The following STK33 variants were observed in gnomAD, a reference collection of about 807,000 sequenced individuals.
STK33 encodes serine/threonine-protein kinase 33.
Under a neutral mutation model 58.0 loss-of-function variants are expected in STK33, and 52 were observed. The observed-to-expected ratio is 0.90, with a 90% confidence interval of 0.72 to 1.13. The LOEUF is 1.13. STK33 is among the 50% of genes most tolerant of loss of function. The pLI, the probability that STK33 is intolerant of heterozygous loss-of-function variation, is 0.00. For synonymous variants in STK33, 215 were observed against 200.1 expected (o/e 1.07, Z -0.63); for missense variants, 630 against 604.2 (o/e 1.04, Z -0.45).
At chr11:8,511,386 G>GT (rs1182183802) in intron 1 of STK33, among the ~76,000 whole-genome samples, 12 of 151,832 alleles carry the variant, frequency 7.9e-5, no homozygotes, top group Non-Finnish European at 1.8e-4. Context: ...AAGGTTTTTG[G>GT]TAGGGCTTTC....
chr11:8,364,931 C>CT, the STK33 span, among the ~76,000 whole-genome samples: 1 of 149,566 alleles, frequency 6.7e-6, no homozygotes, highest in Admixed American at 6.6e-5. Context: ...TTCATGTGAC[C>CT]CCCCCCGCCC....
intron 1 of STK33, among the ~76,000 whole-genome samples, chr11:8,507,260 A>G (rs1007705157): frequency 6.6e-6 from 1 of 152,116 alleles, no homozygotes; most frequent in Non-Finnish European, 1.5e-5. Flanking sequence ...TGTTCTTTCT[A>G]CGATACCCAA....
chr11:8,436,403 C>T (rs1944074241), intron 12 of STK33, among the ~76,000 whole-genome samples: 1 of 152,036 alleles, frequency 6.6e-6, no homozygotes, highest in Non-Finnish European at 1.5e-5. Flanking sequence ...AGCAAATGAC[C>T]CAAAGCTCTT....
rs144646251 is a variant in STK33 at position 8,435,097 on chromosome 11, G to A, written c.1146+397C>T. ...AGACTGCCACTGTTTGGAGATCATG[G>A]CTTTTCTGAGTCCCCAAAGATTTTC... On this transcript the variant is annotated intron_variant, in intron 14 of 15. Transcript: ENST00000687296. Among the ~76,000 whole-genome samples, 24 of 152,238 alleles carry A rather than the reference G, an allele frequency of 1.6e-4. No individual in the cohort carries two copies. The East Asian group carries it at 4.4e-3, about 28-fold the overall frequency.
intron 6 of STK33, chr11:8,467,193 G>A (rs1319745778): frequency 1.3e-5 from 2 of 152,202 alleles, no homozygotes; most frequent in Non-Finnish European, 2.9e-5. Context: ...AATTTCTGCA[G>A]CCAGCTTGAA....
intron 1 of STK33, among the ~76,000 whole-genome samples, chr11:8,591,043 C>A (rs1277593603): frequency 2.0e-5 from 3 of 152,314 alleles, no homozygotes; most frequent in African/African-American, 4.8e-5. Context: ...GAGAACACAT[C>A]TTCTCTTTCA....
Position 8,589,242 on chromosome 11 carries a change from C to CA in STK33, c.-466+4840dup, listed in dbSNP as rs1240948760. On this transcript the variant is annotated intron_variant, in intron 1 of 15. Coordinates refer to ENST00000687296, the MANE Select transcript of STK33 (RefSeq NM_001352389.2). ...TTCATAGCAGCATTATTCAAAATAC[C>CA]AAAAAAAAAGAAAATAACCCAAATG... is the stretch of plus-strand genomic sequence containing the variant. Among the ~76,000 whole-genome samples the CA allele has an allele frequency of 9.4e-5, 14 of 149,276 alleles. No individual in the cohort carries two copies. The South Asian group carries it at 1.3e-3, about 14-fold the overall frequency.
chr11:8,543,781 C>T (rs12365973), intron 1 of STK33, among the ~76,000 whole-genome samples: 4,181 of 152,146 alleles, frequency 0.027, 57 homozygotes, highest in East Asian at 0.047. Flanking sequence ...AGGATAAATA[C>T]TTAAGGGGAT....
rs528756589 is a variant in STK33, at chr11:8,563,418, A to G, written c.-466+30665T>C. Among the ~76,000 whole-genome samples, 33 of 152,306 alleles carry G rather than the reference A, an allele frequency of 2.2e-4. No homozygotes were observed. In the South Asian group the frequency reaches 3.5e-3, roughly 16 times the overall value. The stretch of plus-strand genomic sequence containing the variant: ...GACTCTAACCCAGCCTATAACCACC[A>G]TGACACAAAATTATGCTTTGAGAAA... On this transcript the variant is annotated intron_variant, in intron 1 of 15. Transcript: ENST00000687296.
At chr11:8,406,341 T>C (rs1032180522) in intron 15 of STK33, among the ~76,000 whole-genome samples, 4 of 152,200 alleles carry the variant, frequency 2.6e-5, no homozygotes, top group African/African-American at 9.7e-5. Flanking sequence ...GGTTATTTTG[T>C]CTGTTCCAGG....
At chr11:8,473,351 A>G in intron 5 of STK33, 75 bp from the exon 6 acceptor site, 1 of 861,236 alleles carries the variant, frequency 1.2e-6, no homozygotes, top group Non-Finnish European at 1.9e-6. Context: ...ATCCTAATTT[A>G]GATAATCTGA....
the STK33 span, among the ~76,000 whole-genome samples, chr11:8,348,309 T>C: frequency 1.3e-5 from 2 of 152,226 alleles, no homozygotes; most frequent in Non-Finnish European, 2.9e-5. Context: ...CTCACAGTTC[T>C]GCAGGGCTGC....
At position 8,548,873 on chromosome 11, in the gene STK33, T is replaced by A. The variant is rs146128262; in HGVS notation, c.-466+45210A>T. ...GTTAAATTTATCCCTAGGTGTTTTA[T>A]ATTCTTGTAGCTATTGTAAATGGGA... On this transcript the variant is annotated intron_variant, in intron 1 of 15. Coordinates refer to ENST00000687296, the MANE Select transcript of STK33 (RefSeq NM_001352389.2). 6.2e-3 allele frequency among the ~76,000 whole-genome samples: 951 copies of A among 152,350 alleles called. 9 individuals carry two copies. The highest frequency in any genetic ancestry group is 0.011 in the Non-Finnish European group (759 of 68,028).
chr11:8,557,432 G>A (rs1956842332), intron 1 of STK33, among the ~76,000 whole-genome samples: 1 of 151,734 alleles, frequency 6.6e-6, no homozygotes, highest in African/African-American at 2.4e-5. Flanking sequence ...TCAACTTAAA[G>A]CTGAATTCTT....
chr11:8,497,730 G>T (rs1402987327), intron 1 of STK33, among the ~76,000 whole-genome samples: 2 of 152,148 alleles, frequency 1.3e-5, no homozygotes, highest in Non-Finnish European at 2.9e-5. Flanking sequence ...CCAAAGTACT[G>T]GGATTACAGG....
intron 15 of STK33, among the ~76,000 whole-genome samples, chr11:8,398,771 A>G (rs1181143339): frequency 6.9e-6 from 1 of 144,100 alleles, no homozygotes; most frequent in Non-Finnish European, 1.5e-5. Context: ...AGGAAGATCT[A>G]CCAAGCAAAT....
the STK33 span, among the ~76,000 whole-genome samples, chr11:8,341,447 G>C: frequency 6.6e-5 from 10 of 152,270 alleles, no homozygotes; most frequent in South Asian, 2.1e-3. Context: ...CTTTGCTCCC[G>C]CCCCTGGGCT....
At chr11:8,545,905 C>T (rs183237108) in intron 1 of STK33, among the ~76,000 whole-genome samples, 1 of 152,292 alleles carries the variant, frequency 6.6e-6, no homozygotes, top group Non-Finnish European at 1.5e-5. Context: ...ATAGAGTGCG[C>T]TTACACAAAC....
chr11:8,375,270 G>A, the STK33 span, among the ~76,000 whole-genome samples: 1 of 152,168 alleles, frequency 6.6e-6, no homozygotes, highest in Non-Finnish European at 1.5e-5. Context: ...TTGCAATAGG[G>A]TTTCCAATGT....
Sources: gnomAD v4.1 joint callset for allele counts (sites outside exome capture counted in the v4.1 genomes callset) on GRCh38, gnomAD v4.1.1 for gene constraint, MANE v1.5 for transcripts, NCBI Gene and HGNC (gene_info 2026-07-23, HGNC 2026-07-21) for gene names.